The following ADGRL2 variants were observed in gnomAD, a reference collection of about 807,000 sequenced individuals.
ADGRL2 encodes calcium-independent alpha-latrotoxin receptor 2.
ADGRL2 carries 44 observed loss-of-function variants against 157.4 expected under a neutral mutation model. The ratio of observed to expected loss-of-function variants is 0.28; its 90% CI spans 0.22 to 0.36. ADGRL2 has a LOEUF of 0.36. Among genes scored for constraint, ADGRL2 ranks in the 10% least tolerant of loss-of-function variants. ADGRL2 has a pLI of 1.00. For synonymous variants in ADGRL2, 585 were observed against 624.7 expected, an observed-to-expected ratio of 0.94 and a Z score of 0.95; for missense variants, 1,510 against 1,768.9, an observed-to-expected ratio of 0.85 and a Z score of 2.63.
chr1:81,958,441 T>C (rs1287637170), intron 11 of ADGRL2, among the ~76,000 whole-genome samples: 6 of 152,206 alleles, frequency 3.9e-5, no homozygotes, highest in East Asian at 1.9e-4. Flanking sequence ...ATTATTTCTC[T>C]ATGTTCCCAC....
intron 2 of ADGRL2, among the ~76,000 whole-genome samples, chr1:81,528,994 G>A (rs2079538453): frequency 6.6e-6 from 1 of 152,200 alleles, no homozygotes; most frequent in African/African-American, 2.4e-5. Context: ...AGTGCTAAGA[G>A]CACATGGAGC....
In ADGRL2 at chr1:81,990,416, T is replaced by C; in HGVS notation, c.3681T>C (p.Asp1227=). 6.2e-7 allele frequency: 1 copy of C among 1,613,886 alleles called. No individual in the cohort carries two copies. The highest frequency in any genetic ancestry group is 8.5e-7 in the Non-Finnish European group (1 of 1,179,846). ...ETRHSLNNAR[D]TSAMDTLPLN... ...GACATTCACTGAACAATGCCAGGGA[T>C]ACAAGTGCCATGGATACTCTACCGC... The change falls in exon 24 of 24, where the codon GAT becomes GAC. Residue 1227 remains aspartate (D), a synonymous_variant. Coordinates refer to ENST00000686636, the MANE Select transcript of ADGRL2 (RefSeq NM_001366006.2).
chr1:81,552,899 A>G, intron 2 of ADGRL2, among the ~76,000 whole-genome samples: 1 of 152,208 alleles, frequency 6.6e-6, no homozygotes, highest in East Asian at 1.9e-4. Context: ...TATTCTTGAA[A>G]GCCACTTTTT....
At chr1:81,534,570 C>T (rs1206321227) in intron 2 of ADGRL2, among the ~76,000 whole-genome samples, 1 of 152,178 alleles carries the variant, frequency 6.6e-6, no homozygotes, top group Non-Finnish European at 1.5e-5. Context: ...TAACTTTGAG[C>T]CAAGACAAGA....
intron 2 of ADGRL2, among the ~76,000 whole-genome samples, chr1:81,479,751 C>A (rs2078347393): frequency 2.0e-5 from 3 of 152,104 alleles, no homozygotes; most frequent in Admixed American, 2.0e-4. Flanking sequence ...GGAAACATTT[C>A]CCATGTGATT....
At chr1:81,506,944 G>A (rs2078987334) in intron 2 of ADGRL2, among the ~76,000 whole-genome samples, 1 of 152,162 alleles carries the variant, frequency 6.6e-6, no homozygotes. Context: ...ACTGTTCTAG[G>A]TCCTGGGGAT....
Position 81,907,242 on chromosome 1 carries a change from T to G in ADGRL2, c.287+12T>G. 1 of 1,599,320 alleles carries G rather than the reference T, an allele frequency of 6.3e-7. No individual in the cohort carries two copies. Among genetic ancestry groups the G allele is most frequent in the Non-Finnish European group, 8.6e-7 (1 of 1,166,506 alleles). ...ATTATGACTCAAAGGTAAATATTCA[T>G]GTGTTAATGTCCCATTTGAGCTATT... is the stretch of plus-strand genomic sequence containing the variant. On this transcript the variant is annotated intron_variant, in intron 3 of 23. Coordinates refer to ENST00000686636, the MANE Select transcript of ADGRL2 (RefSeq NM_001366006.2).
At chr1:81,620,901 T>C (rs79859255) in intron 3 of ADGRL2, among the ~76,000 whole-genome samples, 3 of 152,294 alleles carry the variant, frequency 2.0e-5, no homozygotes, top group Non-Finnish European at 2.9e-5. Flanking sequence ...CAAATGTGAA[T>C]AGAAAAGGCA....
At position 81,754,579 on chromosome 1, in the gene ADGRL2, CTCTT is replaced by C. The variant is rs923320090; in HGVS notation, c.-142-7222_-142-7219del. Among the ~76,000 whole-genome samples, 4 of 134,754 alleles carry C rather than the reference CTCTT, an allele frequency of 3.0e-5. No individual in the cohort carries two copies. In the Admixed American group the frequency reaches 3.2e-4, roughly 11 times the overall value. 88.4% of individuals were successfully genotyped at this position (134,754 alleles called of 152,430 possible). On this transcript the variant is annotated intron_variant, in intron 1 of 20. Transcript: ENST00000359929. Reference sequence around the variant, plus strand: ...TCTCTCTTTCTTTCTTTCCTCCTTTCTCTTTCTTTCTTTTCTTTTCTTTCTCCCT... The same window carrying C: ...TCTCTCTTTCTTTCTTTCCTCCTTTCTCTTTCTTTTCTTTTCTTTCTCCCT...
chr1:81,849,523 A>G (rs1177271491), intron 2 of ADGRL2, among the ~76,000 whole-genome samples: 1 of 151,928 alleles, frequency 6.6e-6, no homozygotes, highest in Non-Finnish European at 1.5e-5. Context: ...CATTTTACAT[A>G]AAGTACTTTT....
rs116637994 is a variant in ADGRL2 at position 81,646,799 on chromosome 1, T to C, written c.-143+65819T>C. Among the ~76,000 whole-genome samples, 205 of 152,286 alleles carry C rather than the reference T, an allele frequency of 1.3e-3. 1 individual carries two copies. The highest frequency in any genetic ancestry group is 5.1e-3 in the Admixed American group (78 of 15,288). ...ATTCATTTTGAAGAAATGTCTGACA[T>C]AGGCCCTGCCATGCCAGCCTCTCTT... On this transcript the variant is annotated intron_variant, in intron 3 of 24. Transcript: ENST00000370721.
intron 1 of ADGRL2, among the ~76,000 whole-genome samples, chr1:81,740,036 A>C (rs780440594): frequency 2.6e-5 from 4 of 152,206 alleles, no homozygotes; most frequent in African/African-American, 4.8e-5. Flanking sequence ...ATTGTTCAGG[A>C]AATAGGCCTT....
rs1209999245 is a variant in ADGRL2 at position 81,427,128 on chromosome 1, G to A, written c.-301-17908G>A. The A allele has an allele frequency of 2.9e-6, 4 of 1,358,204 alleles. 1 individual carries two copies. Among genetic ancestry groups the A allele is most frequent in the Non-Finnish European group, 4.2e-6 (4 of 952,920 alleles). 84.1% of individuals were successfully genotyped at this position (1,358,204 alleles called of 1,614,324 possible). A position where few individuals can be genotyped will look rare whatever the true frequency, so the allele number is the denominator to read the frequency against. Reference sequence around the variant, plus strand: ...CAGTCTGCTGGATCACAGAGAGATTGTGGAGGTGGATCCGGCAATTTTATG... The same window carrying A: ...CAGTCTGCTGGATCACAGAGAGATTATGGAGGTGGATCCGGCAATTTTATG... On this transcript the variant is annotated intron_variant, in intron 1 of 24. Transcript: ENST00000370721.
chr1:81,865,607 C>T (rs1217517423), intron 2 of ADGRL2, among the ~76,000 whole-genome samples: 1 of 152,048 alleles, frequency 6.6e-6, no homozygotes, highest in Non-Finnish European at 1.5e-5. Flanking sequence ...GTACATTTCT[C>T]CTGAGAGATA....
intron 1 of ADGRL2, among the ~76,000 whole-genome samples, chr1:81,435,705 G>A (rs982707648): frequency 1.5e-4 from 23 of 152,072 alleles, no homozygotes; most frequent in Non-Finnish European, 2.6e-4. Context: ...CTGTTTCCTT[G>A]CTTTGCAAAA....
chr1:81,843,233 A>T (rs1322594175), intron 2 of ADGRL2, among the ~76,000 whole-genome samples: 1 of 152,054 alleles, frequency 6.6e-6, no homozygotes, highest in Non-Finnish European at 1.5e-5. Flanking sequence ...CCTGGGTTCA[A>T]ACAATTCTCC....
At chr1:81,433,299 C>G (rs1473543527) in intron 1 of ADGRL2, among the ~76,000 whole-genome samples, 3 of 152,106 alleles carry the variant, frequency 2.0e-5, no homozygotes, top group Admixed American at 6.5e-5. Context: ...TAGATTAGTG[C>G]AGGTCAATCT....
At chr1:81,421,975 T>C (rs1010453235) in intron 1 of ADGRL2, among the ~76,000 whole-genome samples, 2 of 152,198 alleles carry the variant, frequency 1.3e-5, no homozygotes, top group Non-Finnish European at 2.9e-5. Flanking sequence ...AGAGGATATA[T>C]AAAATTTTCT....
At chr1:81,789,368 G>A (rs1228307174) in intron 2 of ADGRL2, among the ~76,000 whole-genome samples, 1 of 152,108 alleles carries the variant, frequency 6.6e-6, no homozygotes, top group African/African-American at 2.4e-5. Flanking sequence ...AAGATAAAAT[G>A]ATGTTTAGTA....
Sources: allele counts gnomAD v4.1 joint callset (sites outside exome capture counted in the v4.1 genomes callset), GRCh38; gene constraint gnomAD v4.1.1; transcripts MANE v1.5; gene names NCBI Gene and HGNC (gene_info 2026-07-23, HGNC 2026-07-21).